Variants in NRXN1 observed in about 807,000 individuals in gnomAD.
The protein encoded by NRXN1 is neurexin 1, also known as neurexin-1.
In NRXN1, 39 loss-of-function variants were observed where a neutral mutation model predicts 150.9. The ratio of observed to expected loss-of-function variants is 0.26; its 90% confidence interval spans 0.20 to 0.34. NRXN1 has a LOEUF of 0.34. NRXN1 is among the 10% of genes least tolerant of loss of function. The pLI, the probability that NRXN1 is intolerant of heterozygous loss-of-function variation, is 1.00. For missense variants in NRXN1, 1,815 were observed against 1,949.9 expected (o/e 0.93, Z 1.30); for synonymous variants, 924 against 757.0 (o/e 1.22, Z -3.62).
intron 5 of NRXN1, among the ~76,000 whole-genome samples, chr2:50,709,596 G>C (rs1335344653): frequency 1.3e-5 from 2 of 152,054 alleles, no homozygotes; most frequent in Non-Finnish European, 2.9e-5. Flanking sequence ...AGAAGGATTT[G>C]GTTACCTGAG....
At chr2:50,507,006 G>A (rs959155319) in intron 12 of NRXN1, 1 of 162,970 alleles carries the variant, frequency 6.1e-6, no homozygotes, top group Non-Finnish European at 1.3e-5. Context: ...CTGATTTTTA[G>A]TTACCACTTT....
chr2:50,013,058 C>T (rs1685971425), intron 21 of NRXN1, among the ~76,000 whole-genome samples: 1 of 152,066 alleles, frequency 6.6e-6, no homozygotes, highest in African/African-American at 2.4e-5. Context: ...CCACTACCTC[C>T]TCTCTAAATC....
intron 5 of NRXN1, among the ~76,000 whole-genome samples, chr2:50,729,940 A>G (rs1270041356): frequency 6.6e-6 from 1 of 152,188 alleles, no homozygotes; most frequent in Non-Finnish European, 1.5e-5. Flanking sequence ...CATTATCCAC[A>G]GGCTGCTTCT....
At chr2:50,565,646 A>G (rs1055684073) in intron 8 of NRXN1, among the ~76,000 whole-genome samples, 12 of 152,194 alleles carry the variant, frequency 7.9e-5, no homozygotes, top group Non-Finnish European at 4.4e-5. Context: ...ACAATGGAAA[A>G]TATTTTTTTT....
intron 21 of NRXN1, among the ~76,000 whole-genome samples, chr2:49,955,653 T>G (rs765924772): frequency 2.0e-5 from 3 of 151,928 alleles, no homozygotes; most frequent in Non-Finnish European, 4.4e-5. Flanking sequence ...TATCTCTATC[T>G]CTTACAAACT....
intron 5 of NRXN1, among the ~76,000 whole-genome samples, chr2:50,820,719 T>G (rs997025909): frequency 2.6e-5 from 4 of 152,148 alleles, no homozygotes; most frequent in Admixed American, 2.0e-4. Context: ...TGTTTTCAGT[T>G]GTAAACAAGG....
intron 17 of NRXN1, among the ~76,000 whole-genome samples, chr2:50,381,486 A>C (rs1165717230): frequency 6.7e-6 from 1 of 150,186 alleles, no homozygotes; most frequent in Non-Finnish European, 1.5e-5. Context: ...AGAAATTGGA[A>C]TTTAGTGAGA....
intron 17 of NRXN1, among the ~76,000 whole-genome samples, chr2:50,249,780 G>A (rs1419030599): frequency 6.6e-6 from 1 of 151,986 alleles, no homozygotes; most frequent in Non-Finnish European, 1.5e-5. Flanking sequence ...TGGGATCATA[G>A]ATACGCGCCA....
intron 16 of NRXN1, among the ~76,000 whole-genome samples, chr2:50,467,940 G>T (rs1329164416): frequency 6.6e-6 from 1 of 151,422 alleles, no homozygotes; most frequent in Non-Finnish European, 1.5e-5. Flanking sequence ...CTGTGAGAGG[G>T]AAGTGGTCTA....
intron 17 of NRXN1, among the ~76,000 whole-genome samples, chr2:50,392,272 T>G (rs2081764340): frequency 1.3e-5 from 2 of 152,158 alleles, no homozygotes; most frequent in African/African-American, 4.8e-5. Context: ...ATGATTGTCT[T>G]ACTGCCTTTC....
intron 18 of NRXN1, among the ~76,000 whole-genome samples, chr2:50,161,487 T>G (rs1481186161): frequency 6.6e-6 from 1 of 152,182 alleles, no homozygotes; most frequent in Non-Finnish European, 1.5e-5. Flanking sequence ...AGTATACTTC[T>G]TGGGTAAGGG....
intron 5 of NRXN1, among the ~76,000 whole-genome samples, chr2:50,828,834 A>G (rs570211541): frequency 4.6e-5 from 7 of 152,136 alleles, no homozygotes; most frequent in South Asian, 2.1e-4. Flanking sequence ...GGTGGCGGCC[A>G]GGCAGAGGCT....
At chr2:50,446,228 C>A (rs12472592) in intron 17 of NRXN1, among the ~76,000 whole-genome samples, 72,717 of 151,896 alleles carry the variant, frequency 0.48, 18,926 homozygotes, top group East Asian at 0.92. Context: ...GTGCCTTTTA[C>A]ATTTTTGTAA....
chr2:50,063,065 A>C (rs1694795309), intron 19 of NRXN1, among the ~76,000 whole-genome samples: 1 of 152,178 alleles, frequency 6.6e-6, no homozygotes, highest in African/African-American at 2.4e-5. Context: ...AATGAGAACA[A>C]GACATTTGGA....
intron 19 of NRXN1, among the ~76,000 whole-genome samples, chr2:50,081,113 G>A (rs920632735): frequency 1.3e-5 from 2 of 152,146 alleles, no homozygotes; most frequent in Non-Finnish European, 2.9e-5. Flanking sequence ...AGATTCAAAG[G>A]AAGTTAAGAA....
At chr2:50,786,684 G>C (rs1016977961) in intron 5 of NRXN1, among the ~76,000 whole-genome samples, 2 of 152,098 alleles carry the variant, frequency 1.3e-5, no homozygotes, top group African/African-American at 4.8e-5. Flanking sequence ...GTGACACAGA[G>C]AGAAACCGTG....
At chr2:50,260,700 T>C (rs139587399) in intron 17 of NRXN1, among the ~76,000 whole-genome samples, 4 of 146,116 alleles carry the variant, frequency 2.7e-5, no homozygotes, top group African/African-American at 1.0e-4. Context: ...AGACCTAACC[T>C]GTAGAAATGA....
At chr2:50,150,612 C>A (rs2058640296) in intron 18 of NRXN1, among the ~76,000 whole-genome samples, 1 of 151,880 alleles carries the variant, frequency 6.6e-6, no homozygotes, top group East Asian at 1.9e-4. Flanking sequence ...AGAAAGATAA[C>A]AGGTTTTGTA....
At chr2:50,746,490 T>C (rs762384524) in intron 5 of NRXN1, among the ~76,000 whole-genome samples, 33 of 151,822 alleles carry the variant, frequency 2.2e-4, no homozygotes, top group Non-Finnish European at 4.1e-4. Context: ...CCCAGGAGCT[T>C]GAGGCTGCAG....
Sources: gnomAD v4.1 joint callset for allele counts (sites outside exome capture counted in the v4.1 genomes callset) on GRCh38, gnomAD v4.1.1 for gene constraint, MANE v1.5 for transcripts, NCBI Gene and HGNC (gene_info 2026-07-23, HGNC 2026-07-21) for gene names.